GDF5: variants seen among roughly 807,000 people sequenced by gnomAD.
GDF5 encodes the protein growth/differentiation factor 5.
A neutral mutation model predicts 34.6 loss-of-function variants in GDF5; 17 were observed. That is an observed-to-expected ratio of 0.49 (90% confidence interval 0.34 to 0.74). The LOEUF (loss-of-function observed/expected upper bound fraction) is 0.74. Among genes scored for constraint, GDF5 ranks in the 30% least tolerant of loss-of-function variants. The pLI is 0.01. For synonymous variants in GDF5, 332 were observed against 290.7 expected, an observed-to-expected ratio of 1.14 and a Z score of -1.44; for missense variants, 616 against 661.2, an observed-to-expected ratio of 0.93 and a Z score of 0.75.
chr20:35,437,975 C>T lies in GDF5; in HGVS notation c.-47G>A. The T allele has an allele frequency of 1.9e-6, 3 of 1,609,128 alleles. No individual in the cohort carries two copies. The highest frequency in any genetic ancestry group is 1.3e-5 in the African/African-American group (1 of 74,920). Reference sequence around the variant, plus strand: ...ACACCAAAGAGAACAGCGGCAGCAGCGAAGGTGCCTCTGGTTTGGCAGGAA... The same window carrying T: ...ACACCAAAGAGAACAGCGGCAGCAGTGAAGGTGCCTCTGGTTTGGCAGGAA... On this transcript the variant is annotated 5_prime_UTR_variant, in exon 1 of 2. Coordinates refer to ENST00000374369, the MANE Select transcript of GDF5 (RefSeq NM_000557.5).
At chr20:35,443,534 CAGAG>C (rs2146587830) in intron 1 of GDF5, among the ~76,000 whole-genome samples, 1 of 148,894 alleles carries the variant, frequency 6.7e-6, no homozygotes, top group African/African-American at 2.5e-5. Context: ...TTTTTGGAGA[CAGAG>C]TCTAGTTCTG....
At chr20:35,439,880 G>A (rs1264094137), upstream of GDF5, among the ~76,000 whole-genome samples, 2 of 149,616 alleles carry the variant, frequency 1.3e-5, no homozygotes, top group Non-Finnish European at 3.0e-5. Flanking sequence ...GATGGCGGGG[G>A]AGAAGCAATA....
chr20:35,436,043 CAT>C (rs2062471410), intron 1 of GDF5, among the ~76,000 whole-genome samples: 1 of 152,148 alleles, frequency 6.6e-6, no homozygotes, highest in Admixed American at 6.6e-5. Flanking sequence ...TGTGTATAAA[CAT>C]AAGGCTATGT....
chr20:35,435,528 G>C (rs964986408), intron 1 of GDF5: 3 of 141,276 alleles, frequency 2.1e-5, no homozygotes, highest in Admixed American at 7.2e-5. Context: ...GAATCCCAAG[G>C]TTCAGAGAAG....
At chr20:35,447,084 A>G (rs2062516428) in intron 1 of GDF5, among the ~76,000 whole-genome samples, 2 of 152,092 alleles carry the variant, frequency 1.3e-5, no homozygotes, top group South Asian at 4.1e-4. Context: ...TTTAAGTTCT[A>G]GGGTACATGT....
rs572670662 is a variant in GDF5, at chr20:35,438,162, G to A, written c.-234C>T. On this transcript the variant is annotated 5_prime_UTR_variant, in exon 1 of 2. Coordinates refer to ENST00000374369, the MANE Select transcript of GDF5 (RefSeq NM_000557.5). ...CGTATCCAGACGTGCACCGTCTCCA[G>A]TCAGCAGCTGAAAATAACTCGTTCT... 1.0e-5 allele frequency: 6 copies of A among 581,080 alleles called. No homozygotes were observed. In the Admixed American group the frequency reaches 1.5e-4, roughly 14 times the overall value. 36.0% of individuals were successfully genotyped at this position (581,080 alleles called of 1,614,324 possible).
intron 1 of GDF5, among the ~76,000 whole-genome samples, chr20:35,447,229 G>A (rs2062516942): frequency 6.6e-6 from 1 of 151,902 alleles, no homozygotes; most frequent in African/African-American, 2.4e-5. Flanking sequence ...ACAGGCCCCG[G>A]TGTGTGATGT....
At chr20:35,438,542 C>T (rs530598434), upstream of GDF5, among the ~76,000 whole-genome samples, 18 of 152,278 alleles carry the variant, frequency 1.2e-4, no homozygotes, top group South Asian at 2.3e-3. Flanking sequence ...AAAAAATCAC[C>T]GCTGCCCTTT....
At chr20:35,446,249 G>A (rs2062513764) in intron 1 of GDF5, among the ~76,000 whole-genome samples, 1 of 151,728 alleles carries the variant, frequency 6.6e-6, no homozygotes, top group South Asian at 2.1e-4. Context: ...GGCAGAGGTT[G>A]CAGTGAGCTG....
upstream of GDF5, among the ~76,000 whole-genome samples, chr20:35,438,824 C>CGT (rs57641919): frequency 0.19 from 24,025 of 126,392 alleles, 2,402 homozygotes; most frequent in Middle Eastern, 0.26. Flanking sequence ...ATTTGTTATG[C>CGT]GTGTGTGTGT....
intron 1 of GDF5, among the ~76,000 whole-genome samples, chr20:35,451,847 G>A (rs2062534952): frequency 6.6e-6 from 1 of 152,038 alleles, no homozygotes; most frequent in Admixed American, 6.6e-5. Flanking sequence ...TGCAGGTTGT[G>A]TAAGACTGAT....
chr20:35,451,584 T>G (rs1262896246), intron 1 of GDF5, among the ~76,000 whole-genome samples: 1 of 140,854 alleles, frequency 7.1e-6, no homozygotes, highest in African/African-American at 2.8e-5. Context: ...TTTTTTTCCT[T>G]TTTTTTTTTT....
upstream of GDF5, among the ~76,000 whole-genome samples, chr20:35,441,842 T>A (rs546262860): frequency 1.8e-4 from 27 of 152,252 alleles, no homozygotes; most frequent in African/African-American, 6.3e-4. Context: ...TTTATCTTCA[T>A]GACAATGCTA....
upstream of GDF5, among the ~76,000 whole-genome samples, chr20:35,439,559 T>A (rs1163940944): frequency 6.6e-6 from 1 of 152,202 alleles, no homozygotes; most frequent in East Asian, 1.9e-4. Flanking sequence ...CTGGTAGCTC[T>A]GGAAGGTCTG....
Position 35,437,727 on chromosome 20 carries a change from C to A in GDF5, c.202G>T (p.Gly68Trp). ...GCCCTGGCATTGGCATTGGTGGCCC[C>A]CCCACCATAGCTGTGACCCCCTGGC... ...FRPGGHSYGGGATNANARAKG... is the reference protein window; with the variant it reads ...FRPGGHSYGGWATNANARAKG... The change falls in exon 1 of 2, where the codon GGG becomes TGG. Residue 68 changes from glycine (G) to tryptophan (W), a missense_variant. Physicochemically the swap from Gly to Trp is radical, Grantham distance 184 (BLOSUM62 -2). Coordinates refer to ENST00000374369, the MANE Select transcript of GDF5 (RefSeq NM_000557.5). 3 of 1,613,570 alleles carry A rather than the reference C, an allele frequency of 1.9e-6. No individual in the cohort carries two copies. The highest frequency in any genetic ancestry group is 1.7e-6 in the Non-Finnish European group (2 of 1,179,718).
In GDF5 at chr20:35,437,399, T is replaced by C; in HGVS notation, c.530A>G (p.Tyr177Cys). The change falls in exon 1 of 2, where the codon TAC (tyrosine) becomes TGC (cysteine). Residue 177 changes from tyrosine (Y) to cysteine (C), a missense_variant. Tyr to Cys is a radical substitution (Grantham distance 194, BLOSUM62 -2). Transcript: ENST00000374369. ...ITPHEYMLSL[Y>C]RTLSDADRKG... Reference sequence around the variant, plus strand: ...TCTGTCAGCATCGGACAGCGTCCTGTACAGCGAGAGCATGTACTCGTGGGG... The same window carrying C: ...TCTGTCAGCATCGGACAGCGTCCTGCACAGCGAGAGCATGTACTCGTGGGG... The C allele has an allele frequency of 6.2e-7, 1 of 1,613,758 alleles. No homozygotes were observed. The highest frequency in any genetic ancestry group is 8.5e-7 in the Non-Finnish European group (1 of 1,179,706).
At chr20:35,452,750 CTA>C (rs1225708125) in intron 1 of GDF5, among the ~76,000 whole-genome samples, 1 of 149,180 alleles carries the variant, frequency 6.7e-6, no homozygotes, top group Non-Finnish European at 1.5e-5. Flanking sequence ...AAAATATTGT[CTA>C]GTTTGCTAAT....
chr20:35,433,622 G>T lies in GDF5; in HGVS notation c.*287C>A. 2.1e-6 allele frequency: 1 copy of T among 478,300 alleles called. No homozygotes were observed. The allele number at this position is 478,300 out of a possible 1,614,324, so 29.6% of individuals were successfully genotyped here. A position where few individuals can be genotyped will look rare whatever the true frequency, so the allele number is the denominator to read the frequency against. ...ATGGTGGGCTGAGTCTCATCGGAAA[G>T]CACTGTTTCCTGGGACTCAGTCCCA... On this transcript the variant is annotated 3_prime_UTR_variant, in exon 2 of 2. Coordinates refer to ENST00000374369, the MANE Select transcript of GDF5 (RefSeq NM_000557.5).
At chr20:35,439,137 C>G (rs550416511), upstream of GDF5, among the ~76,000 whole-genome samples, 430 of 151,870 alleles carry the variant, frequency 2.8e-3, 2 homozygotes, top group Middle Eastern at 6.8e-3. Flanking sequence ...ACCACCACCC[C>G]AGCAGAGACG....
Sources: allele counts gnomAD v4.1 joint callset (sites outside exome capture counted in the v4.1 genomes callset), GRCh38; gene constraint gnomAD v4.1.1; transcripts MANE v1.5; gene names NCBI Gene and HGNC (gene_info 2026-07-23, HGNC 2026-07-21).